Variants in EPHB2 observed in about 807,000 individuals in gnomAD.
The protein encoded by EPHB2 is EPH receptor B2.
EPHB2 carries 18 observed loss-of-function variants against 96.4 expected under a neutral mutation model. The ratio of observed to expected loss-of-function variants is 0.19; its 90% CI spans 0.13 to 0.28. EPHB2 has a LOEUF of 0.28. Among genes scored for constraint, EPHB2 ranks in the 10% least tolerant of loss-of-function variants. The pLI, the probability that EPHB2 is intolerant of heterozygous loss-of-function variation, is 1.00. For synonymous variants in EPHB2, 506 were observed against 534.1 expected (o/e 0.95, Z 0.72); for missense variants, 989 against 1,355.4 (o/e 0.73, Z 4.25).
chr1:22,740,192 T>A (rs1419171228), intron 1 of EPHB2, among the ~76,000 whole-genome samples: 1 of 152,224 alleles, frequency 6.6e-6, no homozygotes, highest in African/African-American at 2.4e-5. Context: ...ACCTGGGTGA[T>A]GTCCCCATCA....
chr1:22,787,033 TTTACTG>T, intron 3 of EPHB2, among the ~76,000 whole-genome samples: 1 of 152,164 alleles, frequency 6.6e-6, no homozygotes, highest in South Asian at 2.1e-4. Flanking sequence ...TCATCAAACT[TTTACTG>T]AGCCTGCTCT....
At chr1:22,740,924 G>C (rs149386585) in intron 1 of EPHB2, among the ~76,000 whole-genome samples, 2 of 152,124 alleles carry the variant, frequency 1.3e-5, no homozygotes, top group Non-Finnish European at 1.5e-5. Flanking sequence ...GGGGCGGTCC[G>C]TGTGAAGTTC....
At chr1:22,737,497 G>A (rs1643857702) in intron 1 of EPHB2, among the ~76,000 whole-genome samples, 1 of 152,096 alleles carries the variant, frequency 6.6e-6, no homozygotes, top group Non-Finnish European at 1.5e-5. Flanking sequence ...CTTTGTTCAG[G>A]CCCCAGCTGC....
chr1:22,919,927 T>C lies in EPHB2; in HGVS notation c.*6357T>C, dbSNP rs1640356673. 1.3e-5 allele frequency: 2 copies of C among 152,172 alleles called. No individual in the cohort carries two copies. Among genetic ancestry groups the C allele is most frequent in the African/African-American group, 2.4e-5 (1 of 41,454 alleles). The allele number at this position is 152,172 out of a possible 1,614,324, so 9.4% of individuals were successfully genotyped here. A position where few individuals can be genotyped will look rare whatever the true frequency, so the allele number is the denominator to read the frequency against. On this transcript the variant is annotated 3_prime_UTR_variant, in exon 16 of 16. Transcript: ENST00000374630. ...CTAATTCTTGAAATTTCGAGTCTCA[T>C]TGTTCGTTGCTGTTCCCCAGACCTG... is the stretch of plus-strand genomic sequence containing the variant.
chr1:22,913,370 T>C lies in EPHB2; in HGVS notation c.2853-92T>C. On this transcript the variant is annotated intron_variant, in intron 15 of 15. Coordinates refer to ENST00000374630, the MANE Select transcript of EPHB2 (RefSeq NM_017449.5). This position sits in a 1 kb window ranked among gnomAD's most constrained non-coding sequence, Gnocchi z 4.1. ...CTCCCCAGTACTCCTTGCTTTGCCA[T>C]CTTCCTCCCGGGGAAGCCCAGGCAG... 1 of 1,526,256 alleles carries C rather than the reference T, an allele frequency of 6.6e-7. No homozygotes were observed. Among genetic ancestry groups the C allele is most frequent in the Non-Finnish European group, 8.9e-7 (1 of 1,121,586 alleles). The allele number at this position is 1,526,256 out of a possible 1,614,324, so 94.5% of individuals were successfully genotyped here. A position where few individuals can be genotyped will look rare whatever the true frequency, so the allele number is the denominator to read the frequency against.
rs1254342175 is a variant in EPHB2, at chr1:22,858,213, G to A, written c.812-4824G>A. ...GCGCATTCGATGACCACAGGCAGGA[G>A]CGCAGTGAGTGAGAGGAGGAGGGGG... On this transcript the variant is annotated intron_variant, in intron 3 of 15. Transcript: ENST00000374630. This position sits in a 1 kb window ranked among gnomAD's most constrained non-coding sequence, Gnocchi z 7.7. 6.7e-6 allele frequency among the ~76,000 whole-genome samples: 1 copy of A among 148,490 alleles called. No homozygotes were observed. The highest frequency in any genetic ancestry group is 1.5e-5 in the Non-Finnish European group (1 of 65,724).
chr1:22,843,741 A>G (rs1000510955), intron 3 of EPHB2, among the ~76,000 whole-genome samples: 3 of 152,168 alleles, frequency 2.0e-5, no homozygotes, highest in African/African-American at 7.2e-5. Context: ...GGGTTTTACC[A>G]TGTTGGCCAG....
At chr1:22,838,886 G>A (rs1393896593) in intron 3 of EPHB2, among the ~76,000 whole-genome samples, 1 of 151,958 alleles carries the variant, frequency 6.6e-6, no homozygotes, top group Admixed American at 6.6e-5. Flanking sequence ...AGCCGAGATG[G>A]CACCACTGCT....
At chr1:22,867,901 G>T (rs959574495) in intron 5 of EPHB2, among the ~76,000 whole-genome samples, 1 of 152,180 alleles carries the variant, frequency 6.6e-6, no homozygotes, top group Admixed American at 6.5e-5. Context: ...GTCAACAAGT[G>T]ATAGAAAAGA....
At chr1:22,798,620 TGGGTCTGTGCAGACCC>T in intron 3 of EPHB2, among the ~76,000 whole-genome samples, 1 of 152,258 alleles carries the variant, frequency 6.6e-6, no homozygotes, top group Non-Finnish European at 1.5e-5. Flanking sequence ...ACCGTGTGTC[TGGGTCTGTGCAGACCC>T]GGAATTGGAA....
At chr1:22,857,164 C>T (rs1054917292) in intron 3 of EPHB2, among the ~76,000 whole-genome samples, 2 of 152,148 alleles carry the variant, frequency 1.3e-5, no homozygotes, top group Non-Finnish European at 2.9e-5. Context: ...CATTCTTTCC[C>T]AAGTCAGGGT....
intron 3 of EPHB2, among the ~76,000 whole-genome samples, chr1:22,843,902 C>T (rs186722536): frequency 2.8e-4 from 43 of 152,372 alleles, no homozygotes; most frequent in African/African-American, 1.0e-3. Flanking sequence ...TAAGTGAGAA[C>T]ATGTGGTATT....
chr1:22,803,605 CA>C (rs1262187148), intron 3 of EPHB2, among the ~76,000 whole-genome samples: 33 of 136,158 alleles, frequency 2.4e-4, no homozygotes, highest in African/African-American at 7.3e-4. Flanking sequence ...GACCCTGTCT[CA>C]AAAAAAAATA....
In EPHB2 at chr1:22,846,984, A is replaced by T. The variant is rs1267529005; in HGVS notation, c.812-16053A>T. On this transcript the variant is annotated intron_variant, in intron 3 of 15. Transcript: ENST00000374630. This position sits in a 1 kb window ranked among gnomAD's most constrained non-coding sequence, Gnocchi z 4.3. The stretch of plus-strand genomic sequence containing the variant: ...GCACCAGCCTTGAGGAGGTGAGGCC[A>T]TGTGATAGAGTAGTTAAGACCCTGC... Among the ~76,000 whole-genome samples, 1 of 152,170 alleles carries T rather than the reference A, an allele frequency of 6.6e-6. No homozygotes were observed. The highest frequency in any genetic ancestry group is 2.4e-5 in the African/African-American group (1 of 41,450).
At chr1:22,742,778 C>T (rs559396909) in intron 1 of EPHB2, among the ~76,000 whole-genome samples, 1 of 152,148 alleles carries the variant, frequency 6.6e-6, no homozygotes, top group South Asian at 2.1e-4. Flanking sequence ...AAGTCAGACA[C>T]CTGACTGACT....
chr1:22,810,547 T>G (rs1423702717), intron 3 of EPHB2, among the ~76,000 whole-genome samples: 2 of 152,206 alleles, frequency 1.3e-5, no homozygotes, highest in African/African-American at 2.4e-5. Context: ...GAGGTTGTCC[T>G]TACACCTCTG....
chr1:22,838,070 A>C (rs1645410473), intron 3 of EPHB2, among the ~76,000 whole-genome samples: 1 of 152,174 alleles, frequency 6.6e-6, no homozygotes, highest in African/African-American at 2.4e-5. Flanking sequence ...AATCAAACTT[A>C]AGAGCTAGTT....
intron 6 of EPHB2, chr1:22,882,868 A>G (rs756874545): frequency 3.1e-6 from 1 of 319,666 alleles, no homozygotes; most frequent in Non-Finnish European, 6.1e-6. Flanking sequence ...CTCTTCTTCG[A>G]CAGAGATTTG....
At chr1:22,908,873 C>T in intron 12 of EPHB2, 149 bp from the exon 13 acceptor site, 3 of 1,261,848 alleles carry the variant, frequency 2.4e-6, no homozygotes, top group South Asian at 1.3e-5. Context: ...GCGCAAATGC[C>T]CAGTGGTCTG....
Sources: allele counts gnomAD v4.1 joint callset (sites outside exome capture counted in the v4.1 genomes callset), GRCh38; gene constraint gnomAD v4.1.1; non-coding constraint Gnocchi (gnomAD v3.1); transcripts MANE v1.5; gene names NCBI Gene and HGNC (gene_info 2026-07-23, HGNC 2026-07-21).